DENND4C: variants seen among roughly 807,000 people sequenced by gnomAD.
DENND4C encodes the protein DENN domain containing 4C, also known as DENN domain-containing protein 4C.
DENND4C carries 108 observed loss-of-function variants against 203.0 expected under a neutral mutation model. The ratio of observed to expected loss-of-function variants is 0.53; its 90% CI spans 0.46 to 0.62. DENND4C has a LOEUF of 0.62. Ranked by LOEUF, DENND4C falls within the 20% of genes least tolerant of loss-of-function variation. The probability of loss-of-function intolerance (pLI) is 0.00; values close to 1 mark genes in which losing one functional copy is unlikely to be tolerated. For missense variants in DENND4C, 2,481 were observed against 2,301.2 expected, an observed-to-expected ratio of 1.08 and a Z score of -1.60; for synonymous variants, 871 against 792.4, an observed-to-expected ratio of 1.10 and a Z score of -1.67.
intron 2 of DENND4C, among the ~76,000 whole-genome samples, chr9:19,285,785 A>G (rs142191330): frequency 1.3e-5 from 2 of 152,294 alleles, no homozygotes; most frequent in Admixed American, 1.3e-4. Context: ...GTGGATATCC[A>G]GTTATTCCAA....
chr9:19,306,267 G>A (rs1458897016), intron 10 of DENND4C, among the ~76,000 whole-genome samples: 1 of 152,084 alleles, frequency 6.6e-6, no homozygotes, highest in Admixed American at 6.5e-5. Context: ...AAATATTTTG[G>A]GTAAGGCCTG....
chr9:19,290,580 T>C, intron 4 of DENND4C, 124 bp from the exon 5 acceptor site: 1 of 647,916 alleles, frequency 1.5e-6, no homozygotes, highest in Non-Finnish European at 2.3e-6. Flanking sequence ...GGAAATCAAT[T>C]TTAAAATACC....
chr9:19,322,817 A>C (rs567597146), intron 12 of DENND4C, among the ~76,000 whole-genome samples: 7 of 148,536 alleles, frequency 4.7e-5, no homozygotes, highest in South Asian at 4.2e-4. Flanking sequence ...CAAAAAACCC[A>C]AAAAACCCTA....
chr9:19,334,276 C>G (rs1204622391), intron 17 of DENND4C, among the ~76,000 whole-genome samples: 1 of 152,066 alleles, frequency 6.6e-6, no homozygotes, highest in Non-Finnish European at 1.5e-5. Flanking sequence ...ATCTCGAACT[C>G]CTGACCTCAG....
chr9:19,242,155 T>G (rs1244417370), intron 1 of DENND4C, among the ~76,000 whole-genome samples: 1 of 152,230 alleles, frequency 6.6e-6, no homozygotes, highest in African/African-American at 2.4e-5. Flanking sequence ...CTGGGATGTC[T>G]TATAATTGAA....
At chr9:19,281,479 A>T (rs1432678485) in intron 2 of DENND4C, among the ~76,000 whole-genome samples, 1 of 152,220 alleles carries the variant, frequency 6.6e-6, no homozygotes, top group Non-Finnish European at 1.5e-5. Context: ...TAGCTACTGG[A>T]AATACAGACA....
At chr9:19,304,509 A>G (rs535299783) in intron 9 of DENND4C, among the ~76,000 whole-genome samples, 28 of 148,318 alleles carry the variant, frequency 1.9e-4, no homozygotes, top group South Asian at 1.3e-3. Flanking sequence ...TAAGATGTCA[A>G]ACATCACTGA....
In DENND4C at chr9:19,324,230, C is replaced by T. The variant is rs1045217436; in HGVS notation, c.1808-132C>T. 2.2e-5 allele frequency: 12 copies of T among 552,232 alleles called. No individual in the cohort carries two copies. In the African/African-American group the frequency reaches 2.4e-4, roughly 11 times the overall value. 34.2% of individuals were successfully genotyped at this position (552,232 alleles called of 1,614,324 possible). ...ATAAGAGATACTCAACCTATAGAAG[C>T]TTCTTTTTAAATATGGATATATATA... On this transcript the variant is annotated intron_variant, in intron 12 of 32. Transcript: ENST00000434457.
At chr9:19,320,395 A>G (rs955831308) in intron 12 of DENND4C, among the ~76,000 whole-genome samples, 1 of 152,116 alleles carries the variant, frequency 6.6e-6, no homozygotes, top group Non-Finnish European at 1.5e-5. Flanking sequence ...GATGAGGTTT[A>G]GCCATGTTGG....
intron 1 of DENND4C, among the ~76,000 whole-genome samples, chr9:19,241,899 G>A (rs1823837280): frequency 6.6e-6 from 1 of 151,572 alleles, no homozygotes; most frequent in Non-Finnish European, 1.5e-5. Flanking sequence ...ATGTTTAAAA[G>A]TATGACATAG....
At chr9:19,336,528 C>A in intron 19 of DENND4C, 114 bp downstream of exon 19, 2 of 1,435,844 alleles carry the variant, frequency 1.4e-6, no homozygotes. Context: ...TTTTCACATA[C>A]ATTTAAAGAC....
chr9:19,364,307 C>T (rs1388312753), intron 30 of DENND4C, among the ~76,000 whole-genome samples: 2 of 152,098 alleles, frequency 1.3e-5, no homozygotes, highest in Non-Finnish European at 2.9e-5. Flanking sequence ...TTGGGGAACA[C>T]TTTCATATAC....
chr9:19,296,363 A>C, intron 6 of DENND4C, 117 bp downstream of exon 6: 3 of 641,982 alleles, frequency 4.7e-6, no homozygotes, highest in Non-Finnish European at 7.7e-6. Context: ...ATTTAACTGA[A>C]CTTTTTTTTT....
At chr9:19,295,188 A>G (rs1837179675) in intron 5 of DENND4C, among the ~76,000 whole-genome samples, 1 of 150,966 alleles carries the variant, frequency 6.6e-6, no homozygotes, top group Non-Finnish European at 1.5e-5. Flanking sequence ...TGGCTAACAC[A>G]GTGAAACCCC....
intron 12 of DENND4C, among the ~76,000 whole-genome samples, chr9:19,323,688 A>G (rs887507706): frequency 1.3e-5 from 2 of 152,218 alleles, no homozygotes; most frequent in African/African-American, 2.4e-5. Context: ...TGGTCTTGCA[A>G]CATTAAAGAG....
At chr9:19,236,553 A>C (rs2131368371) in intron 1 of DENND4C, among the ~76,000 whole-genome samples, 1 of 152,342 alleles carries the variant, frequency 6.6e-6, no homozygotes, top group Admixed American at 6.5e-5. Context: ...AGCTATTGGA[A>C]GATTTAAGCT....
intron 6 of DENND4C, 133 bp from the exon 7 acceptor site, chr9:19,297,923 T>G (rs1837788028): frequency 9.5e-6 from 6 of 631,358 alleles, no homozygotes; most frequent in Non-Finnish European, 1.5e-5. Context: ...GCAAATTTAC[T>G]TACTTAGCCT....
At chr9:19,360,637 A>G in intron 29 of DENND4C, 148 bp downstream of exon 29, 1 of 1,065,172 alleles carries the variant, frequency 9.4e-7, no homozygotes, top group Non-Finnish European at 1.4e-6. Context: ...CTGGAATGGT[A>G]AAGTGTTAGG....
chr9:19,330,481 AG>A (rs1818856354), intron 16 of DENND4C, among the ~76,000 whole-genome samples: 1 of 151,576 alleles, frequency 6.6e-6, no homozygotes, highest in African/African-American at 2.4e-5. Context: ...CTGGGATTAC[AG>A]GCGCCCACCA....
Sources: allele counts gnomAD v4.1 joint callset (sites outside exome capture counted in the v4.1 genomes callset), GRCh38; gene constraint gnomAD v4.1.1; transcripts MANE v1.5; gene names NCBI Gene and HGNC (gene_info 2026-07-23, HGNC 2026-07-21).